Variants in GPC5 observed in about 807,000 individuals in gnomAD.
The protein encoded by GPC5 is glypican-5.
In GPC5, 47 loss-of-function variants were observed where a neutral mutation model predicts 53.9. The ratio of observed to expected loss-of-function variants is 0.87; its 90% CI spans 0.69 to 1.11. The LOEUF is 1.11. Among genes scored for constraint, GPC5 ranks in the 50% most tolerant of loss-of-function variants. The pLI is 0.00. For synonymous variants in GPC5, 286 were observed against 263.3 expected (o/e 1.09, Z -0.84); for missense variants, 748 against 713.1 (o/e 1.05, Z -0.56).
chr13:92,755,090 C>T (rs1874796026), intron 7 of GPC5, among the ~76,000 whole-genome samples: 1 of 150,652 alleles, frequency 6.6e-6, no homozygotes, highest in Non-Finnish European at 1.5e-5. Context: ...TAAAGCTCTC[C>T]TCAGCAAATG....
At chr13:92,549,860 A>G (rs942487144) in intron 7 of GPC5, among the ~76,000 whole-genome samples, 3 of 148,052 alleles carry the variant, frequency 2.0e-5, no homozygotes, top group Non-Finnish European at 3.0e-5. Context: ...AAAGGGGGAA[A>G]GTTTCTTTTA....
At chr13:91,451,443 G>A (rs1881166476) in intron 2 of GPC5, among the ~76,000 whole-genome samples, 1 of 152,086 alleles carries the variant, frequency 6.6e-6, no homozygotes, top group South Asian at 2.1e-4. Flanking sequence ...ACTATTGTTA[G>A]ATGAAGGCTG....
At chr13:91,891,512 G>A (rs1394015747) in intron 5 of GPC5, among the ~76,000 whole-genome samples, 1 of 151,924 alleles carries the variant, frequency 6.6e-6, no homozygotes, top group Non-Finnish European at 1.5e-5. Context: ...ATAACCATAC[G>A]GCCACAAAAA....
At chr13:92,456,531 G>C (rs1878274297) in intron 7 of GPC5, among the ~76,000 whole-genome samples, 1 of 152,128 alleles carries the variant, frequency 6.6e-6, no homozygotes, top group Non-Finnish European at 1.5e-5. Flanking sequence ...CATGAGGCCA[G>C]TGCAAAATGA....
At chr13:91,917,841 T>C (rs1003184996) in intron 6 of GPC5, among the ~76,000 whole-genome samples, 14 of 152,184 alleles carry the variant, frequency 9.2e-5, no homozygotes, top group African/African-American at 3.1e-4. Flanking sequence ...AACAAGTCTC[T>C]AGGAAGTTCC....
intron 2 of GPC5, among the ~76,000 whole-genome samples, chr13:91,527,735 T>C (rs1886155331): frequency 6.6e-6 from 1 of 152,230 alleles, no homozygotes; most frequent in South Asian, 2.1e-4. Flanking sequence ...CATCCAGGCA[T>C]TTCCATACAT....
intron 7 of GPC5, among the ~76,000 whole-genome samples, chr13:92,389,511 G>T (rs1229736652): frequency 6.6e-6 from 1 of 152,048 alleles, no homozygotes; most frequent in East Asian, 1.9e-4. Flanking sequence ...GCTCTCTTTG[G>T]AATCTATTTA....
intron 2 of GPC5, among the ~76,000 whole-genome samples, chr13:91,588,813 T>C (rs1443776067): frequency 6.6e-6 from 1 of 152,132 alleles, no homozygotes; most frequent in Non-Finnish European, 1.5e-5. Context: ...GCACTTTCTT[T>C]CCAGCCTATA....
At chr13:92,736,799 T>G (rs1888947229) in intron 7 of GPC5, among the ~76,000 whole-genome samples, 2 of 147,080 alleles carry the variant, frequency 1.4e-5, no homozygotes, top group South Asian at 2.1e-4. Flanking sequence ...GAACTATAGC[T>G]GTAGCCTATT....
chr13:92,481,725 T>C (rs1294105968), intron 7 of GPC5, among the ~76,000 whole-genome samples: 1 of 152,082 alleles, frequency 6.6e-6, no homozygotes, highest in Non-Finnish European at 1.5e-5. Context: ...TAAGATCTAC[T>C]GAACTCTCAT....
Position 92,157,028 on chromosome 13 carries a change from C to T in GPC5, c.1561+12039C>T, listed in dbSNP as rs115155116. Among the ~76,000 whole-genome samples, 744 of 152,230 alleles carry T rather than the reference C, an allele frequency of 4.9e-3. 10 individuals are homozygous for T. The highest frequency in any genetic ancestry group is 0.016 in the African/African-American group (671 of 41,568). On this transcript the variant is annotated intron_variant, in intron 7 of 7. Coordinates refer to ENST00000377067, the MANE Select transcript of GPC5 (RefSeq NM_004466.6). ...AATGAACAATGCTACAAGCAAGCCT[C>T]TCTGTGCATGAGTATGTATTCCATT...
chr13:92,068,900 A>G (rs2041188250), intron 6 of GPC5, among the ~76,000 whole-genome samples: 1 of 151,808 alleles, frequency 6.6e-6, no homozygotes, highest in Non-Finnish European at 1.5e-5. Context: ...AATATAATAT[A>G]ATATTTCTTT....
chr13:92,822,233 G>C (rs547166230), intron 7 of GPC5, among the ~76,000 whole-genome samples: 1 of 152,090 alleles, frequency 6.6e-6, no homozygotes, highest in East Asian at 1.9e-4. Context: ...AACTATGCAA[G>C]TATTTTTTTC....
At chr13:91,664,839 C>T (rs7318562) in intron 2 of GPC5, among the ~76,000 whole-genome samples, 2 of 152,192 alleles carry the variant, frequency 1.3e-5, no homozygotes, top group South Asian at 4.1e-4. Context: ...TTTGCTTATA[C>T]TCCTTTACCT....
At position 91,970,504 on chromosome 13, in the gene GPC5, G is replaced by A. The variant is rs573896280; in HGVS notation, c.1401+62447G>A. Among the ~76,000 whole-genome samples the A allele has an allele frequency of 2.3e-4, 35 of 151,896 alleles. No homozygotes were observed. In the South Asian group the frequency reaches 5.4e-3, roughly 23 times the overall value. ...TATAGATATGTCAGTTAGTTAGACT[G>A]TGATAGTCATTTCACAGTATATACA... On this transcript the variant is annotated intron_variant, in intron 6 of 7. Transcript: ENST00000377067.
Position 91,863,394 on chromosome 13 carries a change from CTTTT to C in GPC5, c.1281-44540_1281-44537del, listed in dbSNP as rs1196727673. Among the ~76,000 whole-genome samples the C allele has an allele frequency of 2.0e-5, 3 of 152,004 alleles. 1 individual carries two copies. In the South Asian group the frequency reaches 6.2e-4, roughly 32 times the overall value. On this transcript the variant is annotated intron_variant, in intron 5 of 7. Transcript: ENST00000377067. ...TAGGAATTTTATCTGTTTCTTTATT[CTTTT>C]TTGTTTATTCCCTCAAATAGATAGT... is the stretch of plus-strand genomic sequence containing the variant.
chr13:91,945,510 C>T (rs1173895985), intron 6 of GPC5, among the ~76,000 whole-genome samples: 1 of 152,064 alleles, frequency 6.6e-6, no homozygotes, highest in Admixed American at 6.6e-5. Flanking sequence ...TTGATATATT[C>T]CTTTTTATCT....
intron 2 of GPC5, among the ~76,000 whole-genome samples, chr13:91,502,150 T>G (rs1884672731): frequency 6.6e-6 from 1 of 152,160 alleles, no homozygotes; most frequent in Admixed American, 6.5e-5. Context: ...TATTAGCCCT[T>G]TGTCAGATGA....
At chr13:92,149,407 A>G (rs1387931361) in intron 7 of GPC5, among the ~76,000 whole-genome samples, 1 of 152,074 alleles carries the variant, frequency 6.6e-6, no homozygotes, top group Admixed American at 6.6e-5. Context: ...AATATGATTA[A>G]TTTAGAAATA....
Sources: gnomAD v4.1 joint callset for allele counts (sites outside exome capture counted in the v4.1 genomes callset) on GRCh38, gnomAD v4.1.1 for gene constraint, MANE v1.5 for transcripts, NCBI Gene and HGNC (gene_info 2026-07-23, HGNC 2026-07-21) for gene names.